The following SSH2 variants were observed in gnomAD, a reference collection of about 807,000 sequenced individuals.
The protein encoded by SSH2 is protein phosphatase Slingshot homolog 2.
Under a neutral mutation model 135.2 loss-of-function variants are expected in SSH2, and 37 were observed. The observed-to-expected ratio is 0.27, with a 90% CI of 0.21 to 0.36. The LOEUF (loss-of-function observed/expected upper bound fraction) is 0.36. Ranked by LOEUF, SSH2 falls within the 10% of genes least tolerant of loss-of-function variation. The probability of loss-of-function intolerance (pLI) is 1.00; values close to 1 mark genes in which losing one functional copy is unlikely to be tolerated. For missense variants in SSH2, 1,408 were observed against 1,765.3 expected (o/e 0.80, Z 3.63); for synonymous variants, 628 against 646.2 (o/e 0.97, Z 0.43).
intron 1 of SSH2, among the ~76,000 whole-genome samples, chr17:29,914,787 C>T (rs1030878271): frequency 6.6e-6 from 1 of 152,154 alleles, no homozygotes; most frequent in Non-Finnish European, 1.5e-5. Context: ...AACAACAGTT[C>T]TATCTTCAAA....
intron 1 of SSH2, among the ~76,000 whole-genome samples, chr17:29,885,921 A>G (rs1316592115): frequency 1.3e-5 from 2 of 152,310 alleles, no homozygotes; most frequent in East Asian, 3.9e-4. Context: ...TGAGTCCATT[A>G]AAACTCTTTC....
intron 13 of SSH2, among the ~76,000 whole-genome samples, chr17:29,648,717 C>A (rs1260525441): frequency 6.6e-6 from 1 of 152,226 alleles, no homozygotes; most frequent in African/African-American, 2.4e-5. Context: ...CAGTATGGGG[C>A]TGGGTGTGGT....
intron 1 of SSH2, among the ~76,000 whole-genome samples, chr17:29,886,510 G>A (rs1471492330): frequency 6.6e-6 from 1 of 152,072 alleles, no homozygotes; most frequent in African/African-American, 2.4e-5. Context: ...ACTTTGGGAG[G>A]CTGAGGTGGA....
At chr17:29,735,867 C>A (rs141181794) in intron 3 of SSH2, among the ~76,000 whole-genome samples, 22 of 152,092 alleles carry the variant, frequency 1.4e-4, no homozygotes, top group African/African-American at 5.3e-4. Flanking sequence ...GAGGCTGAGG[C>A]GGGCAGATCA....
intron 14 of SSH2, among the ~76,000 whole-genome samples, chr17:29,643,961 A>G (rs2150987594): frequency 6.6e-6 from 1 of 152,342 alleles, no homozygotes; most frequent in East Asian, 1.9e-4. Flanking sequence ...TGTGGCAGAC[A>G]TCTGGCAATT....
At chr17:29,822,956 G>A (rs1599048014) in intron 2 of SSH2, among the ~76,000 whole-genome samples, 1 of 152,106 alleles carries the variant, frequency 6.6e-6, no homozygotes, top group East Asian at 1.9e-4. Flanking sequence ...ATAGCAGTGT[G>A]CCTGATATTT....
intron 3 of SSH2, among the ~76,000 whole-genome samples, chr17:29,722,273 CAAAA>C (rs541297774): frequency 4.3e-5 from 4 of 92,808 alleles, no homozygotes; most frequent in African/African-American, 6.5e-5. Context: ...GACATTATCT[CAAAA>C]AAAAAAAAAA....
intron 11 of SSH2, among the ~76,000 whole-genome samples, chr17:29,661,167 G>A (rs1429540501): frequency 3.3e-5 from 5 of 150,466 alleles, no homozygotes; most frequent in South Asian, 2.1e-4. Context: ...CATCACTCTC[G>A]CTGATGTTAC....
At position 29,630,047 on chromosome 17, in the gene SSH2, T is replaced by C. The variant is rs2035605438; in HGVS notation, c.*794A>G. On this transcript the variant is annotated 3_prime_UTR_variant, in exon 16 of 16. Transcript: ENST00000540801. ...ATTTTTCTGGCAGGGAGAGCCAAGA[T>C]GCCCATCTGTGTGGATCCCACCAAC... 6.6e-6 allele frequency: 1 copy of C among 152,450 alleles called. No homozygotes were observed. Among genetic ancestry groups the C allele is most frequent in the South Asian group, 2.1e-4 (1 of 4,834 alleles). 9.4% of individuals were successfully genotyped at this position (152,450 alleles called of 1,614,324 possible).
chr17:29,811,137 A>G (rs2042434383), intron 2 of SSH2, among the ~76,000 whole-genome samples: 1 of 152,104 alleles, frequency 6.6e-6, no homozygotes, highest in Non-Finnish European at 1.5e-5. Context: ...CTGCGACTAC[A>G]GGTGCGCACC....
chr17:29,880,718 GT>G (rs2066121985), intron 1 of SSH2, among the ~76,000 whole-genome samples: 1 of 152,112 alleles, frequency 6.6e-6, no homozygotes, highest in Non-Finnish European at 1.5e-5. Context: ...AATTAAGAAA[GT>G]TACTTCCCTT....
chr17:29,727,369 C>G (rs1288042691), intron 3 of SSH2, among the ~76,000 whole-genome samples: 2 of 152,122 alleles, frequency 1.3e-5, no homozygotes, highest in Non-Finnish European at 2.9e-5. Flanking sequence ...AACTGGCAAG[C>G]AGGTAATATT....
At chr17:29,813,539 C>T (rs1224634577) in intron 2 of SSH2, among the ~76,000 whole-genome samples, 6 of 150,106 alleles carry the variant, frequency 4.0e-5, no homozygotes, top group Admixed American at 6.6e-5. Context: ...TTTAAGCAGC[C>T]GGGCACGGTG....
chr17:29,845,168 G>A (rs561115601), intron 2 of SSH2, among the ~76,000 whole-genome samples: 2 of 152,244 alleles, frequency 1.3e-5, no homozygotes, highest in South Asian at 4.1e-4. Flanking sequence ...GTTCTTCGAC[G>A]ATTGACTTTA....
intron 2 of SSH2, among the ~76,000 whole-genome samples, chr17:29,809,360 T>C (rs562067227): frequency 2.0e-4 from 30 of 152,316 alleles, no homozygotes; most frequent in Non-Finnish European, 4.1e-4. Context: ...ATCACAAGTA[T>C]TTTCTTTTAC....
chr17:29,844,552 C>A (rs1249692687), intron 2 of SSH2, among the ~76,000 whole-genome samples: 1 of 152,310 alleles, frequency 6.6e-6, no homozygotes, highest in East Asian at 1.9e-4. Flanking sequence ...AGCATCCCAA[C>A]CTGCTCTAGT....
At chr17:29,886,297 C>A (rs1013697796) in intron 1 of SSH2, among the ~76,000 whole-genome samples, 3 of 152,114 alleles carry the variant, frequency 2.0e-5, no homozygotes, top group African/African-American at 7.2e-5. Context: ...GGAACTGGAG[C>A]AAAGGTGACT....
Position 29,636,692 on chromosome 17 carries a change from G to A in SSH2, c.1538C>T (p.Thr513Ile). ...CACCTCAGCAATCTGGTCTGCTGAG[G>A]TGGTGATATCCTTCTTGTTGAGTTC... ...GLELNKKDITTSADQIAEVKT... is the reference protein window; with the variant it reads ...GLELNKKDITISADQIAEVKT... Residue 513 changes from threonine (T) to isoleucine (I), a missense_variant, in exon 15 of 16, where the codon ACC (threonine) becomes ATC (isoleucine). Thr to Ile is a moderately conservative substitution (Grantham distance 89). Around this residue, in one of 3 missense-constraint regions of SSH2, gnomAD observed 1,080 missense variants for 1,144.5 expected, o/e 0.94. Coordinates refer to ENST00000540801, the MANE Select transcript of SSH2 (RefSeq NM_001282129.2). The A allele has an allele frequency of 1.2e-6, 2 of 1,614,178 alleles. No homozygotes were observed. The highest frequency in any genetic ancestry group is 1.7e-6 in the Non-Finnish European group (2 of 1,180,028).
intron 3 of SSH2, among the ~76,000 whole-genome samples, chr17:29,781,769 T>G (rs2041848216): frequency 6.6e-6 from 1 of 151,824 alleles, no homozygotes; most frequent in Non-Finnish European, 1.5e-5. Flanking sequence ...TAAGCCACGG[T>G]GCCCAGCCCA....
Sources: allele counts gnomAD v4.1 joint callset (sites outside exome capture counted in the v4.1 genomes callset), GRCh38; gene constraint gnomAD v4.1.1; regional missense constraint gnomAD v4.1.1; transcripts MANE v1.5; gene names NCBI Gene and HGNC (gene_info 2026-07-23, HGNC 2026-07-21).